Variants in NRG3 observed in about 807,000 individuals in gnomAD.
NRG3 encodes pro-neuregulin-3, membrane-bound isoform.
In NRG3, 31 loss-of-function variants were observed where a neutral mutation model predicts 66.9. That is an observed-to-expected ratio of 0.46 (90% CI 0.35 to 0.63). NRG3 has a LOEUF of 0.63. NRG3 is among the 20% of genes least tolerant of loss of function. The pLI is 0.00. For missense variants in NRG3, 910 were observed against 878.9 expected (o/e 1.04, Z -0.45); for synonymous variants, 393 against 359.4 (o/e 1.09, Z -1.06).
At chr10:82,568,446 C>A (rs1590704635) in intron 2 of NRG3, among the ~76,000 whole-genome samples, 2 of 151,786 alleles carry the variant, frequency 1.3e-5, no homozygotes, top group African/African-American at 4.8e-5. Context: ...TTAGTTTATT[C>A]TAGAATGATG....
intron 1 of NRG3, among the ~76,000 whole-genome samples, chr10:82,330,449 T>G (rs1410712467): frequency 6.6e-6 from 1 of 152,186 alleles, no homozygotes; most frequent in African/African-American, 2.4e-5. Context: ...ACATCACCTT[T>G]GACAACTGCA....
At chr10:82,917,950 TTGTGTGTG>T (rs375123841) in intron 4 of NRG3, among the ~76,000 whole-genome samples, 16 of 121,900 alleles carry the variant, frequency 1.3e-4, no homozygotes, top group East Asian at 1.2e-3. Context: ...GTATGTGGGA[TTGTGTGTG>T]TGTGTGTGTG....
At chr10:81,889,139 G>A (rs1227610495) in intron 1 of NRG3, 1 of 152,046 alleles carries the variant, frequency 6.6e-6, no homozygotes, top group African/African-American at 2.4e-5. Flanking sequence ...ATAACAAGAA[G>A]GAACTCTTGA....
chr10:82,389,500 C>A (rs1317007), intron 2 of NRG3, among the ~76,000 whole-genome samples: 65,707 of 152,056 alleles, frequency 0.43, 18,281 homozygotes, highest in African/African-American at 0.79. Flanking sequence ...AGATTAACTT[C>A]TGTAAGCAAC....
At chr10:81,978,616 A>C (rs1385867302) in intron 1 of NRG3, among the ~76,000 whole-genome samples, 3 of 152,226 alleles carry the variant, frequency 2.0e-5, no homozygotes, top group Non-Finnish European at 4.4e-5. Flanking sequence ...AGAAGAAACA[A>C]ATAATAGGAA....
At chr10:81,907,366 G>GA (rs1844695961) in intron 1 of NRG3, among the ~76,000 whole-genome samples, 1 of 152,030 alleles carries the variant, frequency 6.6e-6, no homozygotes, top group Non-Finnish European at 1.5e-5. Context: ...TGCTTTAAGA[G>GA]AAAAAAATTA....
chr10:82,032,809 C>T (rs188880543), intron 1 of NRG3, among the ~76,000 whole-genome samples: 143 of 152,178 alleles, frequency 9.4e-4, no homozygotes, highest in African/African-American at 3.4e-3. Context: ...TTAATGGGAT[C>T]ATCTTTTATT....
intron 2 of NRG3, among the ~76,000 whole-genome samples, chr10:82,691,267 G>A (rs917840938): frequency 6.6e-6 from 1 of 152,176 alleles, no homozygotes; most frequent in Admixed American, 6.5e-5. Context: ...CTTTTATGAA[G>A]GGCTAGCAGT....
intron 1 of NRG3, among the ~76,000 whole-genome samples, chr10:82,135,794 C>G (rs886691674): frequency 6.6e-6 from 1 of 152,076 alleles, no homozygotes; most frequent in Non-Finnish European, 1.5e-5. Context: ...TTTGAATTCT[C>G]TGTCTGAAAT....
At chr10:82,721,719 A>C (rs138140936) in intron 2 of NRG3, among the ~76,000 whole-genome samples, 1,538 of 152,282 alleles carry the variant, frequency 0.01, 23 homozygotes, top group African/African-American at 0.035. Context: ...TACCACACCC[A>C]GTTCTTATTT....
intron 1 of NRG3, among the ~76,000 whole-genome samples, chr10:82,308,412 C>G (rs923471797): frequency 6.6e-6 from 1 of 151,986 alleles, no homozygotes; most frequent in Admixed American, 6.6e-5. Flanking sequence ...TGATGGGGCT[C>G]TCTGAGATTT....
At chr10:82,067,152 A>C (rs17099325) in intron 1 of NRG3, among the ~76,000 whole-genome samples, 10,271 of 152,224 alleles carry the variant, frequency 0.067, 441 homozygotes, top group African/African-American at 0.12. Flanking sequence ...CTTCTATTTC[A>C]TTGTCAAACC....
chr10:82,924,059 A>G (rs1467999775), intron 4 of NRG3, among the ~76,000 whole-genome samples: 1 of 141,170 alleles, frequency 7.1e-6, no homozygotes, highest in Non-Finnish European at 1.5e-5. Flanking sequence ...AGTGTACTCC[A>G]GCCTGGGCAA....
chr10:82,740,577 A>C (rs2058374051), intron 3 of NRG3, among the ~76,000 whole-genome samples: 1 of 152,070 alleles, frequency 6.6e-6, no homozygotes, highest in African/African-American at 2.4e-5. Context: ...TCATGCCTAT[A>C]AACCCAGCAC....
chr10:82,726,242 G>A (rs2057590167), intron 2 of NRG3, among the ~76,000 whole-genome samples: 1 of 152,126 alleles, frequency 6.6e-6, no homozygotes, highest in African/African-American at 2.4e-5. Context: ...AGTAACTTTA[G>A]GATGTCTTAC....
At chr10:82,332,070 A>G (rs542369064) in intron 1 of NRG3, among the ~76,000 whole-genome samples, 6 of 152,354 alleles carry the variant, frequency 3.9e-5, no homozygotes, top group African/African-American at 1.4e-4. Context: ...CCATGGTCAC[A>G]TAAAGTTGTC....
chr10:81,949,520 T>G (rs1356866728), intron 1 of NRG3, among the ~76,000 whole-genome samples: 1 of 152,018 alleles, frequency 6.6e-6, no homozygotes, highest in African/African-American at 2.4e-5. Flanking sequence ...ATCAGCCCAC[T>G]GGTACTCTCT....
chr10:82,441,027 C>A (rs572686114), intron 2 of NRG3, among the ~76,000 whole-genome samples: 2 of 152,236 alleles, frequency 1.3e-5, no homozygotes, highest in East Asian at 3.9e-4. Flanking sequence ...CATAACAAAT[C>A]CCCTTGGATT....
intron 2 of NRG3, among the ~76,000 whole-genome samples, chr10:82,620,534 T>G (rs555646641): frequency 6.6e-6 from 1 of 152,156 alleles, no homozygotes; most frequent in Admixed American, 6.6e-5. Flanking sequence ...TCAAGTCACT[T>G]CTCTCCAGTC....
Sources: gnomAD v4.1 joint callset for allele counts (sites outside exome capture counted in the v4.1 genomes callset) on GRCh38, gnomAD v4.1.1 for gene constraint, MANE v1.5 for transcripts, NCBI Gene and HGNC (gene_info 2026-07-23, HGNC 2026-07-21) for gene names.